The following ATXN1 variants were observed in gnomAD, a reference collection of about 807,000 sequenced individuals.
ATXN1 encodes ataxin-1.
Under a neutral mutation model 56.4 loss-of-function variants are expected in ATXN1, and 8 were observed. The ratio of observed to expected loss-of-function variants is 0.14; its 90% confidence interval spans 0.08 to 0.26. ATXN1 has a LOEUF of 0.26. Among genes scored for constraint, ATXN1 ranks in the 10% least tolerant of loss-of-function variants. The pLI, the probability that ATXN1 is intolerant of heterozygous loss-of-function variation, is 1.00. For missense variants in ATXN1, 987 were observed against 1,106.5 expected (o/e 0.89, Z 1.53); for synonymous variants, 514 against 494.6 (o/e 1.04, Z -0.52).
chr6:16,511,595 A>G (rs1319798121), intron 5 of ATXN1, among the ~76,000 whole-genome samples: 1 of 152,154 alleles, frequency 6.6e-6, no homozygotes, highest in African/African-American at 2.4e-5. Flanking sequence ...CCTAGCAACA[A>G]GTCCGAAACC....
chr6:16,417,890 C>T (rs1758947146), intron 6 of ATXN1, among the ~76,000 whole-genome samples: 1 of 152,146 alleles, frequency 6.6e-6, no homozygotes, highest in Non-Finnish European at 1.5e-5. Flanking sequence ...CCTGCCACTA[C>T]CCTAGTTCAT....
In ATXN1 at chr6:16,511,025, T is replaced by C. The variant is rs537524455; in HGVS notation, c.-299+11602A>G. ...TCTGTCACATCCAGTAGACTTATAATACAGATTGCTACAGATGGAAGATTT... is the reference window on the plus strand; with the variant it reads ...TCTGTCACATCCAGTAGACTTATAACACAGATTGCTACAGATGGAAGATTT... On this transcript the variant is annotated intron_variant, in intron 5 of 7. Coordinates refer to ENST00000436367, the MANE Select transcript of ATXN1 (RefSeq NM_001128164.2). 2.6e-5 allele frequency among the ~76,000 whole-genome samples: 4 copies of C among 152,354 alleles called. No individual in the cohort carries two copies. The East Asian group carries it at 5.8e-4, about 22-fold the overall frequency.
chr6:16,360,799 A>G (rs1051613347), intron 6 of ATXN1, among the ~76,000 whole-genome samples: 1 of 152,208 alleles, frequency 6.6e-6, no homozygotes, highest in Non-Finnish European at 1.5e-5. Flanking sequence ...GAGAAAACAC[A>G]CACACAAGCC....
intron 4 of ATXN1, among the ~76,000 whole-genome samples, chr6:16,572,971 T>C (rs772066509): frequency 3.3e-5 from 5 of 152,170 alleles, no homozygotes; most frequent in Admixed American, 6.5e-5. Flanking sequence ...GGTCCAACAG[T>C]AGACCTGACA....
At chr6:16,439,478 C>T (rs924448813) in intron 6 of ATXN1, among the ~76,000 whole-genome samples, 4 of 149,968 alleles carry the variant, frequency 2.7e-5, no homozygotes, top group African/African-American at 9.8e-5. Flanking sequence ...ATTTACTCAG[C>T]GTCCAGCGTC....
At chr6:16,650,733 C>T (rs1279255157) in intron 3 of ATXN1, among the ~76,000 whole-genome samples, 1 of 152,232 alleles carries the variant, frequency 6.6e-6, no homozygotes, top group Non-Finnish European at 1.5e-5. Flanking sequence ...CACAGGCAGC[C>T]TATCGTTCAA....
At chr6:16,416,504 T>C (rs1434430730) in intron 6 of ATXN1, among the ~76,000 whole-genome samples, 5 of 152,230 alleles carry the variant, frequency 3.3e-5, no homozygotes, top group Non-Finnish European at 5.9e-5. Flanking sequence ...TACAGGGCTG[T>C]TGTGAGGACC....
At chr6:16,373,947 A>G (rs564509901) in intron 6 of ATXN1, among the ~76,000 whole-genome samples, 2 of 152,296 alleles carry the variant, frequency 1.3e-5, no homozygotes, top group East Asian at 3.9e-4. Flanking sequence ...CCTATTGCTG[A>G]TAACAACCTG....
intron 1 of ATXN1, among the ~76,000 whole-genome samples, chr6:16,758,905 T>C (rs1760972168): frequency 6.6e-6 from 1 of 152,228 alleles, no homozygotes; most frequent in Non-Finnish European, 1.5e-5. Context: ...CTAGCCGTTA[T>C]GGTGCAATCC....
Position 16,389,198 on chromosome 6 carries a change from G to A in ATXN1, c.-160-60728C>T, listed in dbSNP as rs149592228. ...CTAAAAGTACAAAAATTAGCCGGGC[G>A]TGGTGGCACGCGCCTGTCATCTCAG... On this transcript the variant is annotated intron_variant, in intron 6 of 7. Transcript: ENST00000436367. 4.4e-3 allele frequency among the ~76,000 whole-genome samples: 663 copies of A among 152,270 alleles called. 4 individuals are homozygous for A. The highest frequency in any genetic ancestry group is 0.015 in the African/African-American group (614 of 41,546).
intron 2 of ATXN1, among the ~76,000 whole-genome samples, chr6:16,661,430 T>C (rs573215058): frequency 8.5e-5 from 13 of 152,180 alleles, no homozygotes; most frequent in Non-Finnish European, 1.5e-4. Flanking sequence ...AGTATCATGA[T>C]CTGCCTTACA....
intron 4 of ATXN1, among the ~76,000 whole-genome samples, chr6:16,528,297 T>A (rs1761432478): frequency 7.2e-6 from 1 of 139,474 alleles, no homozygotes. Context: ...TGAGACTCCC[T>A]CTCAAAAAAA....
At chr6:16,650,080 G>C (rs1763868249) in intron 3 of ATXN1, among the ~76,000 whole-genome samples, 1 of 152,130 alleles carries the variant, frequency 6.6e-6, no homozygotes, top group South Asian at 2.1e-4. Flanking sequence ...TTACAGATGT[G>C]AGACACCATG....
rs1391911044 is a variant in ATXN1, at chr6:16,739,180, A to AC, written c.-615+14052_-615+14053insG. 6.1e-5 allele frequency: 9 copies of AC among 146,866 alleles called. No homozygotes were observed. The East Asian group carries it at 9.7e-4, about 16-fold the overall frequency. The allele number at this position is 146,866 out of a possible 1,614,324, so 9.1% of individuals were successfully genotyped here. On this transcript the variant is annotated intron_variant, in intron 2 of 7. Transcript: ENST00000436367. ...GTGTTACGACTTGTTAAAAAAAAAA[A>AC]AAAAAAAAACCCTGACATTTTTATT...
At chr6:16,662,565 C>T (rs1460107986) in intron 2 of ATXN1, among the ~76,000 whole-genome samples, 1 of 152,182 alleles carries the variant, frequency 6.6e-6, no homozygotes. Context: ...AACTCTTGAC[C>T]TCAGGTGATC....
intron 6 of ATXN1, among the ~76,000 whole-genome samples, chr6:16,427,925 G>A (rs1158637019): frequency 6.6e-6 from 1 of 152,150 alleles, no homozygotes; most frequent in Admixed American, 6.5e-5. Context: ...GTGACTAGAG[G>A]CATGGGGCTG....
chr6:16,424,025 C>T (rs1301842025), intron 6 of ATXN1, among the ~76,000 whole-genome samples: 6 of 152,108 alleles, frequency 3.9e-5, no homozygotes, highest in African/African-American at 1.2e-4. Flanking sequence ...CCTTGGAGCA[C>T]TTTTACATCC....
intron 2 of ATXN1, chr6:16,752,902 T>G (rs995399151): frequency 4.9e-6 from 1 of 204,380 alleles, no homozygotes; most frequent in Non-Finnish European, 1.0e-5. Context: ...TGACTTAAGA[T>G]ATCTGGTAGC....
intron 2 of ATXN1, among the ~76,000 whole-genome samples, chr6:16,698,709 A>C (rs2113432170): frequency 6.6e-6 from 1 of 152,088 alleles, no homozygotes; most frequent in Middle Eastern, 3.4e-3. Context: ...CCAATGAAGG[A>C]AAAGCATTAA....
Sources: gnomAD v4.1 joint callset for allele counts (sites outside exome capture counted in the v4.1 genomes callset) on GRCh38, gnomAD v4.1.1 for gene constraint, MANE v1.5 for transcripts, NCBI Gene and HGNC (gene_info 2026-07-23, HGNC 2026-07-21) for gene names.